Variants in R3HDM1 observed in about 807,000 individuals in gnomAD.
R3HDM1 encodes R3H domain containing 1, also known as R3H domain-containing protein 1.
In R3HDM1, 46 loss-of-function variants were observed where a neutral mutation model predicts 141.1. That is an observed-to-expected ratio of 0.33 (90% CI 0.26 to 0.42). R3HDM1 has a LOEUF of 0.42. R3HDM1 is among the 10% of genes least tolerant of loss of function. R3HDM1 has a pLI of 1.00. For missense variants in R3HDM1, 1,184 were observed against 1,368.3 expected, an observed-to-expected ratio of 0.87 and a Z score of 2.12; for synonymous variants, 435 against 472.9, an observed-to-expected ratio of 0.92 and a Z score of 1.04.
At chr2:135,597,317 G>C in intron 1 of R3HDM1, 1 of 946,850 alleles carries the variant, frequency 1.1e-6, no homozygotes, top group African/African-American at 1.8e-5. Flanking sequence ...TAAAGCTATA[G>C]TGCCTTCTGT....
At chr2:135,667,511 C>G in intron 19 of R3HDM1, 3 of 545,410 alleles carry the variant, frequency 5.5e-6, no homozygotes, top group Non-Finnish European at 7.0e-6. Context: ...ACGTAAATTC[C>G]TATAAAAGAT....
intron 23 of R3HDM1, among the ~76,000 whole-genome samples, chr2:135,713,011 AGAC>A (rs2075825812): frequency 6.6e-6 from 1 of 152,144 alleles, no homozygotes; most frequent in African/African-American, 2.4e-5. Flanking sequence ...AGAGCAGCCT[AGAC>A]AACATAATGA....
intron 1 of R3HDM1, among the ~76,000 whole-genome samples, chr2:135,572,000 TCCA>T (rs550895543): frequency 1.1e-5 from 1 of 91,596 alleles, no homozygotes; most frequent in Non-Finnish European, 1.7e-5. Context: ...CACCACGTCA[TCCA>T]GGAGTGCAGT....
At chr2:135,721,016 A>G (rs1347235391) in intron 24 of R3HDM1, among the ~76,000 whole-genome samples, 1 of 152,078 alleles carries the variant, frequency 6.6e-6, no homozygotes, top group Non-Finnish European at 1.5e-5. Flanking sequence ...GTTTTCTTAG[A>G]TTCTTCCTCT....
At chr2:135,543,112 GTC>G in intron 1 of R3HDM1, 1 of 982,732 alleles carries the variant, frequency 1.0e-6, no homozygotes, top group South Asian at 4.7e-5. Flanking sequence ...GGAGGATACA[GTC>G]TCTGTAATAT....
chr2:135,627,058 T>C (rs1211206947), intron 7 of R3HDM1, among the ~76,000 whole-genome samples: 1 of 152,240 alleles, frequency 6.6e-6, no homozygotes, highest in Non-Finnish European at 1.5e-5. Flanking sequence ...TAATGGCTAA[T>C]GTATAAGTTA....
chr2:135,581,204 T>A, intron 1 of R3HDM1: 2 of 985,372 alleles, frequency 2.0e-6, no homozygotes, highest in Non-Finnish European at 2.4e-6. Flanking sequence ...AAGGTAGTAG[T>A]GAGGATGGAG....
chr2:135,570,435 A>G (rs1703848531), intron 1 of R3HDM1, among the ~76,000 whole-genome samples: 1 of 152,240 alleles, frequency 6.6e-6, no homozygotes, highest in African/African-American at 2.4e-5. Flanking sequence ...TAGTGATTAG[A>G]TGACTGTGTT....
chr2:135,714,074 T>A (rs2075934362), intron 23 of R3HDM1, among the ~76,000 whole-genome samples: 1 of 151,454 alleles, frequency 6.6e-6, no homozygotes, highest in Non-Finnish European at 1.5e-5. Flanking sequence ...TGGGTGAAAT[T>A]CTGAGGAAAA....
At chr2:135,642,318 A>G (rs2063887437) in intron 15 of R3HDM1, among the ~76,000 whole-genome samples, 1 of 152,192 alleles carries the variant, frequency 6.6e-6, no homozygotes. Flanking sequence ...GGAGTCATGT[A>G]TTAATATTGA....
At chr2:135,591,610 T>C (rs1317013694) in intron 1 of R3HDM1, among the ~76,000 whole-genome samples, 1 of 152,166 alleles carries the variant, frequency 6.6e-6, no homozygotes, top group Non-Finnish European at 1.5e-5. Context: ...TTAAAGAATA[T>C]AACTTAATGA....
chr2:135,574,150 G>C (rs545099695), intron 1 of R3HDM1, among the ~76,000 whole-genome samples: 3 of 152,152 alleles, frequency 2.0e-5, no homozygotes, highest in African/African-American at 7.2e-5. Context: ...GTAAAACATA[G>C]ATATGCAAAA....
chr2:135,580,801 C>T (rs956420273), intron 1 of R3HDM1, among the ~76,000 whole-genome samples: 2 of 152,222 alleles, frequency 1.3e-5, no homozygotes, highest in Non-Finnish European at 2.9e-5. Flanking sequence ...ATTCCTTGAA[C>T]TTGAAGCTGT....
chr2:135,679,724 T>C (rs2069899493), intron 20 of R3HDM1, among the ~76,000 whole-genome samples: 2 of 152,254 alleles, frequency 1.3e-5, no homozygotes, highest in East Asian at 1.9e-4. Context: ...GTGGTAGTGC[T>C]GTGGCTAACA....
At chr2:135,718,173 A>C (rs2076352581) in intron 24 of R3HDM1, among the ~76,000 whole-genome samples, 1 of 152,174 alleles carries the variant, frequency 6.6e-6, no homozygotes, top group African/African-American at 2.4e-5. Context: ...ATAGTAGTAG[A>C]GATGGGGTGT....
At chr2:135,691,145 A>G (rs2072309572) in intron 21 of R3HDM1, among the ~76,000 whole-genome samples, 1 of 152,222 alleles carries the variant, frequency 6.6e-6, no homozygotes, top group Non-Finnish European at 1.5e-5. Flanking sequence ...AATATTTGAA[A>G]TTTCAAGTGT....
At chr2:135,650,151 A>G in intron 17 of R3HDM1, 148 bp downstream of exon 17, 2 of 985,894 alleles carry the variant, frequency 2.0e-6, no homozygotes, top group Non-Finnish European at 1.2e-6. Context: ...TCTAATTCAT[A>G]CTAGAAATAA....
rs56950620 is a variant in R3HDM1 at position 135,547,767 on chromosome 2, C to CTTT, written c.-250+16153_-250+16155dup. Among the ~76,000 whole-genome samples, 218 of 107,348 alleles carry CTTT rather than the reference C, an allele frequency of 2.0e-3. 1 individual carries two copies. Among genetic ancestry groups the CTTT allele is most frequent in the Middle Eastern group, 0.018 (2 of 114 alleles). The allele number at this position is 107,348 out of a possible 152,430, so 70.4% of individuals were successfully genotyped here. A position where few individuals can be genotyped will look rare whatever the true frequency, so the allele number is the denominator to read the frequency against. ...ATATGTCTGTAGTCTTTTTTCTTTT[C>CTTT]TTTTTTTTTTTTTTTTTTTTTCTTG... On this transcript the variant is annotated intron_variant, in intron 1 of 26. Transcript: ENST00000683871.
chr2:135,708,451 C>T (rs760924203), intron 21 of R3HDM1, among the ~76,000 whole-genome samples: 2 of 152,054 alleles, frequency 1.3e-5, no homozygotes, highest in African/African-American at 2.4e-5. Flanking sequence ...GACACAGGTG[C>T]AAAAAGTTAT....
Sources: allele counts gnomAD v4.1 joint callset (sites outside exome capture counted in the v4.1 genomes callset), GRCh38; gene constraint gnomAD v4.1.1; transcripts MANE v1.5; gene names NCBI Gene and HGNC (gene_info 2026-07-23, HGNC 2026-07-21).